TSPEAR: variants seen among roughly 807,000 people sequenced by gnomAD.
The protein encoded by TSPEAR is thrombospondin type laminin G domain and EAR repeats, also known as thrombospondin-type laminin G domain and EAR repeat-containing protein.
TSPEAR carries 69 observed loss-of-function variants against 71.6 expected under a neutral mutation model. The observed-to-expected ratio is 0.96, with a 90% CI of 0.79 to 1.18. The LOEUF (loss-of-function observed/expected upper bound fraction) is 1.18. Ranked by LOEUF, TSPEAR falls within the 50% of genes most tolerant of loss-of-function variation. TSPEAR has a pLI of 0.00. For synonymous variants in TSPEAR, 402 were observed against 387.2 expected (o/e 1.04, Z -0.45); for missense variants, 971 against 894.9 (o/e 1.09, Z -1.09).
intron 1 of TSPEAR, among the ~76,000 whole-genome samples, chr21:44,571,334 G>A (rs910029612): frequency 6.6e-6 from 1 of 152,222 alleles, no homozygotes; most frequent in Non-Finnish European, 1.5e-5. Context: ...ACAGGCATGA[G>A]CCACCACATC....
At chr21:44,515,949 C>G (rs2052552799) in intron 9 of TSPEAR, 1 of 152,352 alleles carries the variant, frequency 6.6e-6, no homozygotes. Context: ...CCAAACCAGG[C>G]TGCAGGCTCC....
Position 44,573,576 on chromosome 21 carries a change from G to C in TSPEAR, c.83-5571C>G, listed in dbSNP as rs1469825124. ...CTTGGGAAACAAAAACACAGCTACT[G>C]TTTATTCTCCTGGAGCTGGCTGTAC... On this transcript the variant is annotated intron_variant, in intron 1 of 11. Coordinates refer to ENST00000323084, the MANE Select transcript of TSPEAR (RefSeq NM_144991.3). 2.8e-6 allele frequency: 3 copies of C among 1,089,056 alleles called. No individual in the cohort carries two copies. The East Asian group carries it at 7.6e-5, about 27-fold the overall frequency. The allele number at this position is 1,089,056 out of a possible 1,614,324, so 67.5% of individuals were successfully genotyped here. A position where few individuals can be genotyped will look rare whatever the true frequency, so the allele number is the denominator to read the frequency against.
At chr21:44,541,907 A>C (rs1262880215) in intron 2 of TSPEAR, among the ~76,000 whole-genome samples, 1 of 152,206 alleles carries the variant, frequency 6.6e-6, no homozygotes, top group Non-Finnish European at 1.5e-5. Context: ...TCATCTTATA[A>C]ATTTTCATAA....
chr21:44,706,359 TTGCACGCCCA>T (rs1987916666), intron 1 of TSPEAR, among the ~76,000 whole-genome samples: 1 of 148,336 alleles, frequency 6.7e-6, no homozygotes, highest in Non-Finnish European at 1.5e-5. Context: ...ACGCACCCAC[TTGCACGCCCA>T]TGCACGCACA....
chr21:44,691,947 C>T (rs782433626), intron 1 of TSPEAR, among the ~76,000 whole-genome samples: 12 of 152,224 alleles, frequency 7.9e-5, no homozygotes, highest in Non-Finnish European at 1.6e-4. Flanking sequence ...AGTACAGATG[C>T]AAAAATTCTC....
intron 1 of TSPEAR, among the ~76,000 whole-genome samples, chr21:44,679,602 C>T (rs191298922): frequency 6.6e-6 from 1 of 152,198 alleles, no homozygotes. Flanking sequence ...TTATCCTGAA[C>T]AAAAAGAACA....
At chr21:44,509,668 T>C (rs587695150) in intron 9 of TSPEAR, among the ~76,000 whole-genome samples, 1 of 152,282 alleles carries the variant, frequency 6.6e-6, no homozygotes, top group South Asian at 2.1e-4. Flanking sequence ...CACAGCCCAG[T>C]GCCCGCTGTG....
At chr21:44,626,315 T>C (rs1341304215) in intron 1 of TSPEAR, among the ~76,000 whole-genome samples, 1 of 152,216 alleles carries the variant, frequency 6.6e-6, no homozygotes, top group Admixed American at 6.5e-5. Context: ...TCAAAGATCA[T>C]GCAGCCGTGA....
At chr21:44,588,666 T>TAA (rs1555925970) in intron 1 of TSPEAR, among the ~76,000 whole-genome samples, 1 of 90,114 alleles carries the variant, frequency 1.1e-5, no homozygotes, top group Admixed American at 1.0e-4. Flanking sequence ...GAAACTTTTA[T>TAA]ATATATAATA....
intron 2 of TSPEAR, chr21:44,558,380 G>A (rs996694817): frequency 8.2e-5 from 132 of 1,612,862 alleles, no homozygotes; most frequent in Admixed American, 1.2e-4. Flanking sequence ...TGCAGCAGAC[G>A]GGCACACAGC....
intron 8 of TSPEAR, among the ~76,000 whole-genome samples, chr21:44,523,541 T>A (rs1216154910): frequency 1.3e-5 from 2 of 151,138 alleles, no homozygotes; most frequent in Non-Finnish European, 3.0e-5. Flanking sequence ...GTTAAGTCAT[T>A]GAGATGGTCA....
At chr21:44,698,085 C>A in intron 1 of TSPEAR, 2 of 1,032,390 alleles carry the variant, frequency 1.9e-6, no homozygotes, top group South Asian at 1.6e-5. Flanking sequence ...CACAGCCTCT[C>A]TTCCCCTAAG....
Position 44,526,493 on chromosome 21 carries a change from C to CAA in TSPEAR, c.1150-656_1150-655dup, listed in dbSNP as rs74818663. Among the ~76,000 whole-genome samples, 282 of 138,478 alleles carry CAA rather than the reference C, an allele frequency of 2.0e-3. 3 individuals carry two copies. In the East Asian group the frequency reaches 0.023, roughly 11 times the overall value. 90.8% of individuals were successfully genotyped at this position (138,478 alleles called of 152,430 possible). Reference sequence around the variant, plus strand: ...ATTAAAACCTTATGATGTCATCAATCAAAAAAAAAAAAACCAACTAGTTAT... The same window carrying CAA: ...ATTAAAACCTTATGATGTCATCAATCAAAAAAAAAAAAAAACCAACTAGTTAT... On this transcript the variant is annotated intron_variant, in intron 7 of 11. Transcript: ENST00000323084.
At position 44,557,652 on chromosome 21, in the gene TSPEAR, G is replaced by A. The variant is rs1011048826; in HGVS notation, c.303+10133C>T. 3 of 234,992 alleles carry A rather than the reference G, an allele frequency of 1.3e-5. No homozygotes were observed. In the South Asian group the frequency reaches 2.3e-4, roughly 18 times the overall value. The allele number at this position is 234,992 out of a possible 1,614,324, so 14.6% of individuals were successfully genotyped here. A position where few individuals can be genotyped will look rare whatever the true frequency, so the allele number is the denominator to read the frequency against. ...CCCACAACAGCAGACCCCGCACAGC[G>A]GGAAGTCAGGACTGCCTCCGCCCCT... On this transcript the variant is annotated intron_variant, in intron 2 of 11. Coordinates refer to ENST00000323084, the MANE Select transcript of TSPEAR (RefSeq NM_144991.3).
chr21:44,669,420 CA>C (rs587628686), intron 1 of TSPEAR, among the ~76,000 whole-genome samples: 52 of 151,952 alleles, frequency 3.4e-4, no homozygotes, highest in Non-Finnish European at 6.5e-4. Context: ...GACTCCATCT[CA>C]AAAAAAATTA....
At position 44,499,909 on chromosome 21, in the gene TSPEAR, C is replaced by T. The variant is rs782562949; in HGVS notation, c.1884G>A (p.Ala628=). 2.0e-5 allele frequency: 32 copies of T among 1,607,876 alleles called. 1 individual carries two copies. In the East Asian group the frequency reaches 2.5e-4, roughly 12 times the overall value. The part of the protein sequence containing the change: ...YRWQGYEGFV[A]VHSLPTVGCR... Reference sequence around the variant, plus strand: ...AGCCGACGGTGGGGAGGCTGTGCACCGCCACGAAGCCCTCGTAGCCCTGCC... The same window carrying T: ...AGCCGACGGTGGGGAGGCTGTGCACTGCCACGAAGCCCTCGTAGCCCTGCC... Residue 628 remains alanine (A), a synonymous_variant, in exon 12 of 12, where the codon GCG becomes GCA. Coordinates refer to ENST00000323084, the MANE Select transcript of TSPEAR (RefSeq NM_144991.3).
At chr21:44,500,051 C>G (rs2051999913) in intron 11 of TSPEAR, 115 bp from the exon 12 acceptor site, 15 of 1,095,730 alleles carry the variant, frequency 1.4e-5, no homozygotes, top group Non-Finnish European at 1.8e-5. Context: ...ATCTGAGCCT[C>G]TTCCATCCCC....
intron 1 of TSPEAR, among the ~76,000 whole-genome samples, chr21:44,701,643 G>A (rs1410320013): frequency 1.3e-5 from 2 of 152,180 alleles, no homozygotes; most frequent in Non-Finnish European, 2.9e-5. Context: ...CCTGGCATGT[G>A]CAGTTCACAG....
Position 44,506,151 on chromosome 21 carries a change from C to T in TSPEAR, c.1755-1270G>A, listed in dbSNP as rs1306279622. On this transcript the variant is annotated intron_variant, in intron 10 of 11. Transcript: ENST00000323084. This position sits in a 1 kb window ranked among gnomAD's most constrained non-coding sequence, Gnocchi z 4.2. ...AGCAGAAGCTGTTTCTTGTTGCAAACAAATTTGCTGTGTCCTGTCTTAGGA... is the reference window on the plus strand; with the variant it reads ...AGCAGAAGCTGTTTCTTGTTGCAAATAAATTTGCTGTGTCCTGTCTTAGGA... Among the ~76,000 whole-genome samples the T allele has an allele frequency of 2.0e-5, 3 of 152,218 alleles. No homozygotes were observed. The South Asian group carries it at 6.2e-4, about 32-fold the overall frequency.
Sources: gnomAD v4.1 joint callset for allele counts (sites outside exome capture counted in the v4.1 genomes callset) on GRCh38, gnomAD v4.1.1 for gene constraint, Gnocchi (gnomAD v3.1) non-coding constraint, MANE v1.5 for transcripts, NCBI Gene and HGNC (gene_info 2026-07-23, HGNC 2026-07-21) for gene names.